QKI: variants seen among roughly 807,000 people sequenced by gnomAD.
The protein encoded by QKI is KH domain-containing RNA-binding protein QKI.
A neutral mutation model predicts 39.0 loss-of-function variants in QKI; 10 were observed. The observed-to-expected ratio is 0.26, with a 90% confidence interval of 0.16 to 0.43. QKI has a LOEUF of 0.43. Ranked by LOEUF, QKI falls within the 20% of genes least tolerant of loss-of-function variation. The pLI, the probability that QKI is intolerant of heterozygous loss-of-function variation, is 1.00. For synonymous variants in QKI, 204 were observed against 155.4 expected (o/e 1.31, Z -2.33); for missense variants, 218 against 428.0 (o/e 0.51, Z 4.33).
intron 2 of QKI, among the ~76,000 whole-genome samples, chr6:163,472,780 A>T (rs1583049587): frequency 6.6e-6 from 1 of 152,286 alleles, no homozygotes; most frequent in African/African-American, 2.4e-5. Flanking sequence ...TAGATGTCAA[A>T]TTACCTTGAC....
chr6:163,566,955 T>G, intron 7 of QKI, 160 bp downstream of exon 7: 1 of 1,394,324 alleles, frequency 7.2e-7, no homozygotes, highest in Admixed American at 3.4e-5. Flanking sequence ...AAGGGTTGGG[T>G]TTTTTGTTTT....
At chr6:163,455,474 G>A in intron 2 of QKI, 53 bp downstream of exon 2, 3 of 1,503,568 alleles carry the variant, frequency 2.0e-6, no homozygotes, top group African/African-American at 1.4e-5. Context: ...CATATGTTGG[G>A]AAGAGATATA....
intron 3 of QKI, among the ~76,000 whole-genome samples, chr6:163,526,170 T>G (rs376314982): frequency 2.0e-5 from 3 of 152,190 alleles, no homozygotes; most frequent in Admixed American, 6.5e-5. Context: ...GAACATCCTG[T>G]CTGGTAGGAC....
rs1777636065 is a variant in QKI at position 163,577,319 on chromosome 6, AG to A, written c.*6611del. The A allele has an allele frequency of 6.6e-6, 1 of 152,052 alleles. No individual in the cohort carries two copies. The highest frequency in any genetic ancestry group is 1.5e-5 in the Non-Finnish European group (1 of 68,032). The allele number at this position is 152,052 out of a possible 1,614,324, so 9.4% of individuals were successfully genotyped here. A position where few individuals can be genotyped will look rare whatever the true frequency, so the allele number is the denominator to read the frequency against. On this transcript the variant is annotated 3_prime_UTR_variant, in exon 8 of 8. Coordinates refer to ENST00000361752, the MANE Select transcript of QKI (RefSeq NM_006775.3). ...ACCGTCGTGCAGACTAGCAGCCCAA[AG>A]GTGTGTTTGGTTTGGCTTATACGGT...
chr6:163,575,303 G>A lies in QKI; in HGVS notation c.*4593G>A, dbSNP rs947997366. The stretch of plus-strand genomic sequence containing the variant: ...AGCCTCATCTCATTTTCAGTTAAGG[G>A]TACTTTATGTATAATTATGTCATTG... On this transcript the variant is annotated 3_prime_UTR_variant, in exon 8 of 8. Transcript: ENST00000361752. 2 of 152,096 alleles carry A rather than the reference G, an allele frequency of 1.3e-5. No individual in the cohort carries two copies. The highest frequency in any genetic ancestry group is 2.9e-5 in the Non-Finnish European group (2 of 68,030). 9.4% of individuals were successfully genotyped at this position (152,096 alleles called of 1,614,324 possible). A position where few individuals can be genotyped will look rare whatever the true frequency, so the allele number is the denominator to read the frequency against.
At chr6:163,546,502 G>A (rs1013476053) in intron 4 of QKI, among the ~76,000 whole-genome samples, 2 of 151,114 alleles carry the variant, frequency 1.3e-5, no homozygotes, top group African/African-American at 4.9e-5. Context: ...AAAATTATTA[G>A]GAGTAACCAT....
At chr6:163,560,337 C>G (rs1782916359) in intron 4 of QKI, among the ~76,000 whole-genome samples, 1 of 152,058 alleles carries the variant, frequency 6.6e-6, no homozygotes, top group Admixed American at 6.6e-5. Flanking sequence ...ATAATGAAAC[C>G]ATGTTGAAAG....
At chr6:163,556,422 G>A (rs776246507) in intron 4 of QKI, among the ~76,000 whole-genome samples, 1 of 141,164 alleles carries the variant, frequency 7.1e-6, no homozygotes, top group African/African-American at 2.6e-5. Context: ...TGAGGCAGGA[G>A]AATCCCAGGA....
At chr6:163,529,988 A>T (rs1259631774) in intron 3 of QKI, among the ~76,000 whole-genome samples, 1 of 152,188 alleles carries the variant, frequency 6.6e-6, no homozygotes, top group African/African-American at 2.4e-5. Context: ...GAGGTCTAGA[A>T]ATCAGGGGGC....
At chr6:163,492,292 T>C (rs536612509) in intron 3 of QKI, among the ~76,000 whole-genome samples, 2 of 152,338 alleles carry the variant, frequency 1.3e-5, no homozygotes, top group East Asian at 1.9e-4. Context: ...TCTTCAGTTA[T>C]GAGAGACCAC....
intron 3 of QKI, among the ~76,000 whole-genome samples, chr6:163,534,324 G>A (rs997480055): frequency 3.3e-5 from 5 of 152,024 alleles, no homozygotes; most frequent in African/African-American, 7.3e-5. Flanking sequence ...TGGTCTGATG[G>A]GAATGTAGAT....
intron 1 of QKI, among the ~76,000 whole-genome samples, chr6:163,418,168 C>G (rs1039598811): frequency 6.6e-6 from 1 of 151,066 alleles, no homozygotes; most frequent in African/African-American, 2.4e-5. Flanking sequence ...AAAAATTTTA[C>G]TTTAGTGATT....
Position 163,563,312 on chromosome 6 carries a change from T to C in QKI, c.635-108T>C, listed in dbSNP as rs962135208. ...CGCATGTACTAATGATTTCCTTTTA[T>C]TTTTCTTCTTTCCTGCTTTTCCTTT... On this transcript the variant is annotated intron_variant, in intron 5 of 7. Transcript: ENST00000361752. 10 of 1,080,890 alleles carry C rather than the reference T, an allele frequency of 9.3e-6. No individual in the cohort carries two copies. In the Middle Eastern group the frequency reaches 1.0e-3, roughly 108 times the overall value. The allele number at this position is 1,080,890 out of a possible 1,614,324, so 67.0% of individuals were successfully genotyped here.
intron 3 of QKI, among the ~76,000 whole-genome samples, chr6:163,486,257 A>G (rs1473060190): frequency 6.6e-6 from 1 of 152,234 alleles, no homozygotes; most frequent in Non-Finnish European, 1.5e-5. Flanking sequence ...TGTACAAATC[A>G]TTCTTGTCAG....
At chr6:163,446,454 C>G (rs997215021) in intron 1 of QKI, among the ~76,000 whole-genome samples, 2 of 151,904 alleles carry the variant, frequency 1.3e-5, no homozygotes, top group East Asian at 3.9e-4. Context: ...TTCTTTTTAC[C>G]TGGATTCTGA....
chr6:163,490,667 T>G (rs913528034), intron 3 of QKI, among the ~76,000 whole-genome samples: 3 of 152,164 alleles, frequency 2.0e-5, no homozygotes, highest in Non-Finnish European at 4.4e-5. Flanking sequence ...CCATGAACCT[T>G]ATATCCAAAT....
chr6:163,530,851 CAGTG>C (rs1780804314), intron 3 of QKI, among the ~76,000 whole-genome samples: 1 of 152,144 alleles, frequency 6.6e-6, no homozygotes, highest in Admixed American at 6.5e-5. Context: ...GGTGAAAACT[CAGTG>C]GGTCCTTTTC....
intron 2 of QKI, among the ~76,000 whole-genome samples, chr6:163,469,560 T>C (rs1458785664): frequency 6.6e-6 from 1 of 152,212 alleles, no homozygotes; most frequent in African/African-American, 2.4e-5. Flanking sequence ...CAGAGTTTCG[T>C]TATTCTCAAT....
intron 6 of QKI, chr6:163,565,574 T>A: frequency 1.0e-6 from 1 of 991,464 alleles, no homozygotes; most frequent in Non-Finnish European, 1.2e-6. Flanking sequence ...GAAACTTAAT[T>A]ATTAGACTGG....
Sources: gnomAD v4.1 joint callset for allele counts (sites outside exome capture counted in the v4.1 genomes callset) on GRCh38, gnomAD v4.1.1 for gene constraint, MANE v1.5 for transcripts, NCBI Gene and HGNC (gene_info 2026-07-23, HGNC 2026-07-21) for gene names.